Variants in LIN52 observed in about 807,000 individuals in gnomAD.
The protein encoded by LIN52 is lin-52 DREAM MuvB core complex component.
LIN52 carries 4 observed loss-of-function variants against 18.5 expected under a neutral mutation model. The observed-to-expected ratio is 0.22, with a 90% CI of 0.11 to 0.49. The LOEUF (loss-of-function observed/expected upper bound fraction) is 0.49. LIN52 is among the 20% of genes least tolerant of loss of function. The pLI, the probability that LIN52 is intolerant of heterozygous loss-of-function variation, is 0.97. For synonymous variants in LIN52, 34 were observed against 45.5 expected (o/e 0.75, Z 1.02); for missense variants, 102 against 139.5 (o/e 0.73, Z 1.35).
intron 5 of LIN52, among the ~76,000 whole-genome samples, chr14:74,128,043 T>TA (rs2061038430): frequency 6.6e-6 from 1 of 152,206 alleles, no homozygotes; most frequent in Non-Finnish European, 1.5e-5. Context: ...TTCACCTTCT[T>TA]ACCTGAAACA....
chr14:74,091,178 A>G (rs1257988213), intron 1 of LIN52, 54 bp from the exon 2 acceptor site: 10 of 1,265,336 alleles, frequency 7.9e-6, no homozygotes, highest in Non-Finnish European at 1.2e-5. Flanking sequence ...TTGAAGTATC[A>G]TATACATTAA....
At chr14:74,196,104 T>G (rs1299282793) in intron 5 of LIN52, among the ~76,000 whole-genome samples, 1 of 152,230 alleles carries the variant, frequency 6.6e-6, no homozygotes, top group Non-Finnish European at 1.5e-5. Flanking sequence ...TAGGAGATGA[T>G]GTCTTTTGAA....
intron 5 of LIN52, among the ~76,000 whole-genome samples, chr14:74,123,310 A>T (rs867324188): frequency 6.6e-6 from 1 of 152,358 alleles, no homozygotes; most frequent in East Asian, 1.9e-4. Context: ...GATGGGTTCT[A>T]TAAATCCTAG....
At chr14:74,180,311 G>T (rs1200286590) in intron 5 of LIN52, among the ~76,000 whole-genome samples, 1 of 137,836 alleles carries the variant, frequency 7.3e-6, no homozygotes, top group African/African-American at 2.7e-5. Context: ...TGTCACCCAG[G>T]CTGGAGTGCA....
At chr14:74,138,813 A>G (rs891549887) in intron 5 of LIN52, among the ~76,000 whole-genome samples, 2 of 152,076 alleles carry the variant, frequency 1.3e-5, no homozygotes, top group Non-Finnish European at 2.9e-5. Context: ...TAACTTAACA[A>G]TTTAAACTAC....
rs200577569 is a variant in LIN52 at position 74,130,281 on chromosome 14, T to TG, written c.283+29043_283+29044insG. 3.2e-3 allele frequency among the ~76,000 whole-genome samples: 251 copies of TG among 77,380 alleles called. 9 individuals carry two copies. The highest frequency in any genetic ancestry group is 0.011 in the African/African-American group (208 of 19,520). The allele number at this position is 77,380 out of a possible 152,430, so 50.8% of individuals were successfully genotyped here. ...TTTATTAGATAGGCATTTTTTGGTT[T>TG]TTTTTTTTTTTTTTTGAGACAGTCT... On this transcript the variant is annotated intron_variant, in intron 5 of 5. Coordinates refer to ENST00000555028, the MANE Select transcript of LIN52 (RefSeq NM_001024674.3).
intron 5 of LIN52, among the ~76,000 whole-genome samples, chr14:74,173,556 TTTG>T (rs1326390340): frequency 6.6e-6 from 1 of 152,214 alleles, no homozygotes; most frequent in East Asian, 1.9e-4. Flanking sequence ...AAATATACAG[TTTG>T]TTAAATGTTT....
At chr14:74,182,705 G>T (rs1016645666) in intron 5 of LIN52, among the ~76,000 whole-genome samples, 5 of 152,094 alleles carry the variant, frequency 3.3e-5, no homozygotes, top group African/African-American at 1.2e-4. Context: ...TATCAAACTG[G>T]CCTGGACCTG....
chr14:74,187,654 CTATT>C (rs764059498), intron 5 of LIN52, among the ~76,000 whole-genome samples: 8 of 152,176 alleles, frequency 5.3e-5, no homozygotes, highest in South Asian at 4.2e-4. Flanking sequence ...TCTAAGTGTC[CTATT>C]TATTTATTTC....
chr14:74,194,794 G>A (rs17782424), intron 5 of LIN52, among the ~76,000 whole-genome samples: 74,752 of 152,038 alleles, frequency 0.49, 18,992 homozygotes, highest in Non-Finnish European at 0.53. Flanking sequence ...TAGAATGGAA[G>A]CGGTGTTGCC....
chr14:74,191,862 C>G (rs984576947), intron 5 of LIN52, among the ~76,000 whole-genome samples: 1 of 152,142 alleles, frequency 6.6e-6, no homozygotes, highest in Non-Finnish European at 1.5e-5. Context: ...GTCACGATCT[C>G]CTGACCTCGT....
intron 5 of LIN52, among the ~76,000 whole-genome samples, chr14:74,141,553 A>G (rs1402204070): frequency 1.3e-5 from 2 of 152,214 alleles, no homozygotes; most frequent in East Asian, 3.8e-4. Flanking sequence ...CTCTGCTTTT[A>G]CATGAAGTGA....
At chr14:74,175,850 C>T (rs2061291877) in intron 5 of LIN52, among the ~76,000 whole-genome samples, 1 of 151,564 alleles carries the variant, frequency 6.6e-6, no homozygotes, top group African/African-American at 2.4e-5. Context: ...TGCAGTGGCT[C>T]ATGCCTGTAA....
intron 5 of LIN52, among the ~76,000 whole-genome samples, chr14:74,196,124 C>T (rs1429408225): frequency 6.6e-6 from 1 of 152,156 alleles, no homozygotes; most frequent in Non-Finnish European, 1.5e-5. Context: ...ATTACTTCTA[C>T]TTTTACAGTG....
In LIN52 at chr14:74,157,637, A is replaced by G. The variant is rs187426235; in HGVS notation, c.284-41285A>G. Among the ~76,000 whole-genome samples, 424 of 147,706 alleles carry G rather than the reference A, an allele frequency of 2.9e-3. 3 individuals are homozygous for G. Among genetic ancestry groups the G allele is most frequent in the African/African-American group, 0.01 (408 of 40,188 alleles). ...CACCACACCTGGCTCATTTTTTGAT[A>G]TTTTTTTTTTCTGTGGAGATGGGAT... On this transcript the variant is annotated intron_variant, in intron 5 of 5. Transcript: ENST00000555028.
intron 5 of LIN52, among the ~76,000 whole-genome samples, chr14:74,176,196 T>C (rs2061293676): frequency 6.6e-6 from 1 of 152,128 alleles, no homozygotes. Context: ...TGAGCCATGC[T>C]CTGTCACCCA....
At position 74,095,960 on chromosome 14, in the gene LIN52, C is replaced by T. The variant is rs532558275; in HGVS notation, c.107C>T (p.Ala36Val). The change falls in exon 3 of 6, where the codon GCT (alanine) becomes GTT (valine). Residue 36 changes from alanine to valine, a missense_variant. Coordinates refer to ENST00000555028, the MANE Select transcript of LIN52 (RefSeq NM_001024674.3). Reference sequence around the variant, plus strand: ...TTTTTCTTTTTAGTACCAGGTGTTGCTGAATTTGCAGCTTCCTTCAAAAGT... The same window carrying T: ...TTTTTCTTTTTAGTACCAGGTGTTGTTGAATTTGCAGCTTCCTTCAAAAGT... ...DLWPEQLPGV[A>V]EFAASFKSPI... The T allele has an allele frequency of 1.5e-5, 24 of 1,608,752 alleles. No individual in the cohort carries two copies. The East Asian group carries it at 3.4e-4, about 23-fold the overall frequency.
intron 5 of LIN52, among the ~76,000 whole-genome samples, chr14:74,178,969 C>T (rs2061304875): frequency 6.6e-6 from 1 of 151,896 alleles, no homozygotes; most frequent in Non-Finnish European, 1.5e-5. Flanking sequence ...CACCTGTAGG[C>T]CCGGCTACTC....
chr14:74,131,188 G>GTATACTTTGTCGAATTC (rs144128916), intron 5 of LIN52, among the ~76,000 whole-genome samples: 1 of 150,692 alleles, frequency 6.6e-6, no homozygotes, highest in African/African-American at 2.5e-5. Flanking sequence ...CCATTGTCCA[G>GTATACTTTGTCGAATTC]TATAGTTGTG....
Sources: allele counts gnomAD v4.1 joint callset (sites outside exome capture counted in the v4.1 genomes callset), GRCh38; gene constraint gnomAD v4.1.1; transcripts MANE v1.5; gene names NCBI Gene and HGNC (gene_info 2026-07-23, HGNC 2026-07-21).